Variants in NAPG observed in about 807,000 individuals in gnomAD.
NAPG encodes the protein gamma-soluble NSF attachment protein.
NAPG carries 25 observed loss-of-function variants against 48.4 expected under a neutral mutation model. The observed-to-expected ratio is 0.52, with a 90% confidence interval of 0.38 to 0.72. NAPG has a LOEUF of 0.72. NAPG is among the 30% of genes least tolerant of loss of function. NAPG has a pLI of 0.00. For missense variants in NAPG, 359 were observed against 372.5 expected (o/e 0.96, Z 0.30); for synonymous variants, 139 against 127.2 (o/e 1.09, Z -0.62).
intron 3 of NAPG, 86 bp from the exon 4 acceptor site, chr18:10,533,449 TA>T: frequency 8.3e-7 from 1 of 1,211,830 alleles, no homozygotes; most frequent in Non-Finnish European, 1.1e-6. Context: ...GTCAGTGATT[TA>T]GTTAACTGTC....
intron 1 of NAPG, among the ~76,000 whole-genome samples, chr18:10,530,152 T>G (rs1054993365): frequency 1.3e-5 from 2 of 151,580 alleles, no homozygotes; most frequent in Admixed American, 1.3e-4. Flanking sequence ...CTTCCCTTTC[T>G]GATTATCCTT....
At position 10,548,660 on chromosome 18, in the gene NAPG, A is replaced by G. The variant is rs539373463; in HGVS notation, c.665+282A>G. ...AAAAAAGAACAAGAAAAAGGGGGAA[A>G]AAATTATCAGATTTATGTTACAGAA... On this transcript the variant is annotated intron_variant, in intron 10 of 11. Coordinates refer to ENST00000322897, the MANE Select transcript of NAPG (RefSeq NM_003826.3). This position sits in a 1 kb window ranked among gnomAD's most constrained non-coding sequence, Gnocchi z 4.4. Among the ~76,000 whole-genome samples the G allele has an allele frequency of 2.1e-4, 32 of 152,244 alleles. No homozygotes were observed. The South Asian group carries it at 6.6e-3, about 32-fold the overall frequency.
intron 9 of NAPG, among the ~76,000 whole-genome samples, chr18:10,547,572 T>C (rs532493274): frequency 2.4e-4 from 36 of 152,278 alleles, no homozygotes; most frequent in Admixed American, 2.2e-3. Flanking sequence ...TTATAGAAAC[T>C]ATAAAAATGA....
chr18:10,528,025 A>C (rs1295667521), intron 1 of NAPG, among the ~76,000 whole-genome samples: 1 of 152,094 alleles, frequency 6.6e-6, no homozygotes, highest in Non-Finnish European at 1.5e-5. Flanking sequence ...GTCTCTACTA[A>C]AAATACAAAA....
At chr18:10,538,995 A>C (rs1027863877) in intron 5 of NAPG, 1 of 152,210 alleles carries the variant, frequency 6.6e-6, no homozygotes, top group Non-Finnish European at 1.5e-5. Flanking sequence ...AGAAGTCAGG[A>C]AACAATAGAT....
intron 1 of NAPG, chr18:10,526,585 G>C (rs1426207806): frequency 5.5e-6 from 1 of 181,524 alleles, no homozygotes; most frequent in African/African-American, 2.4e-5. Context: ...ATGTCATCTG[G>C]GGAACAACAT....
intron 8 of NAPG, among the ~76,000 whole-genome samples, chr18:10,541,701 C>T (rs1259566601): frequency 6.6e-6 from 1 of 152,150 alleles, no homozygotes; most frequent in Non-Finnish European, 1.5e-5. Context: ...ACTCCCAGTG[C>T]CTTTCTAGAG....
rs572149496 is a variant in NAPG, at chr18:10,534,632, G to A, written c.258+136G>A. ...TGCTAAGTTAAGATTTTCTGTCCACGGTAACGTTAATTGGACCCATAGAAT... is the reference window on the plus strand; with the variant it reads ...TGCTAAGTTAAGATTTTCTGTCCACAGTAACGTTAATTGGACCCATAGAAT... On this transcript the variant is annotated intron_variant, in intron 5 of 11. Transcript: ENST00000322897. The surrounding 1 kb of genome is among the most constrained non-coding windows in gnomAD (Gnocchi z 5.0). 20 of 734,082 alleles carry A rather than the reference G, an allele frequency of 2.7e-5. 1 individual carries two copies. Among genetic ancestry groups the A allele is most frequent in the South Asian group, 2.4e-4 (15 of 63,074 alleles). The allele number at this position is 734,082 out of a possible 1,614,324, so 45.5% of individuals were successfully genotyped here.
chr18:10,529,666 T>G (rs2031888893), intron 1 of NAPG, among the ~76,000 whole-genome samples: 1 of 151,764 alleles, frequency 6.6e-6, no homozygotes, highest in Non-Finnish European at 1.5e-5. Flanking sequence ...GGCACGAGAG[T>G]CACTTGAACC....
Position 10,539,893 on chromosome 18 carries a change from C to G in NAPG, c.368+22C>G. The G allele has an allele frequency of 6.2e-7, 1 of 1,612,210 alleles. No homozygotes were observed. Among genetic ancestry groups the G allele is most frequent in the Non-Finnish European group, 8.5e-7 (1 of 1,178,360 alleles). On this transcript the variant is annotated intron_variant, in intron 6 of 11. Transcript: ENST00000322897. The surrounding 1 kb of genome is among the most constrained non-coding windows in gnomAD (Gnocchi z 4.7). ...GAAAGTGAGTGTGAGATGGACAAGT[C>G]TCTGCATAGAAGTCTTGTCTTTTTG...
intron 5 of NAPG, among the ~76,000 whole-genome samples, chr18:10,536,443 C>T (rs995217912): frequency 6.6e-6 from 1 of 152,170 alleles, no homozygotes; most frequent in Non-Finnish European, 1.5e-5. Context: ...GCCACAGAAA[C>T]TTGTTGGATC....
chr18:10,530,424 A>C (rs2031906587), intron 1 of NAPG, among the ~76,000 whole-genome samples: 1 of 151,930 alleles, frequency 6.6e-6, no homozygotes, highest in African/African-American at 2.4e-5. Context: ...CTAAAGCTTT[A>C]ATGCACCTTT....
intron 2 of NAPG, among the ~76,000 whole-genome samples, 189 bp downstream of exon 2, chr18:10,531,026 G>C (rs2031917729): frequency 6.6e-6 from 1 of 151,024 alleles, no homozygotes; most frequent in Non-Finnish European, 1.5e-5. Flanking sequence ...AGCTGAGTCA[G>C]AGTTCCTGGT....
At chr18:10,549,803 C>T (rs2032348442) in intron 11 of NAPG, among the ~76,000 whole-genome samples, 1 of 151,476 alleles carries the variant, frequency 6.6e-6, no homozygotes, top group Non-Finnish European at 1.5e-5. Context: ...AATTTTTTTT[C>T]TAAATAACGT....
At chr18:10,535,366 A>T (rs754715177) in intron 5 of NAPG, among the ~76,000 whole-genome samples, 3 of 152,252 alleles carry the variant, frequency 2.0e-5, no homozygotes, top group Non-Finnish European at 2.9e-5. Context: ...TCTTTGACCC[A>T]GGAATTTCAA....
Position 10,544,322 on chromosome 18 carries a change from A to T in NAPG, c.507-2004A>T, listed in dbSNP as rs770367532. Among the ~76,000 whole-genome samples, 1 of 152,238 alleles carries T rather than the reference A, an allele frequency of 6.6e-6. No homozygotes were observed. The highest frequency in any genetic ancestry group is 1.5e-5 in the Non-Finnish European group (1 of 68,046). The stretch of plus-strand genomic sequence containing the variant: ...AGTGTAGCTAGGTCCTAGTGTAGCT[A>T]GGTAGCAGAGCTAGGGTCTCACCAG... On this transcript the variant is annotated intron_variant, in intron 8 of 11. Coordinates refer to ENST00000322897, the MANE Select transcript of NAPG (RefSeq NM_003826.3). The surrounding 1 kb of genome is among the most constrained non-coding windows in gnomAD (Gnocchi z 5.1).
In NAPG at chr18:10,534,805, T is replaced by G. The variant is rs879414853; in HGVS notation, c.258+309T>G. Among the ~76,000 whole-genome samples, 97 of 152,226 alleles carry G rather than the reference T, an allele frequency of 6.4e-4. No individual in the cohort carries two copies. The highest frequency in any genetic ancestry group is 9.0e-4 in the Non-Finnish European group (61 of 68,042). On this transcript the variant is annotated intron_variant, in intron 5 of 11. Transcript: ENST00000322897. This position sits in a 1 kb window ranked among gnomAD's most constrained non-coding sequence, Gnocchi z 5.0. ...GCTCTATGGGAAGTTTCTCTACTTT[T>G]GAGAAGGACATCTAAATGTAGTAAA...
At chr18:10,532,626 ATACT>A (rs1338325526) in intron 2 of NAPG, 81 bp from the exon 3 acceptor site, 3 of 1,012,158 alleles carry the variant, frequency 3.0e-6, no homozygotes, top group African/African-American at 3.2e-5. Flanking sequence ...TATGTTTATA[ATACT>A]TCATATAAAA....
At chr18:10,541,828 T>A (rs973120091) in intron 8 of NAPG, among the ~76,000 whole-genome samples, 7 of 152,234 alleles carry the variant, frequency 4.6e-5, no homozygotes, top group African/African-American at 1.7e-4. Context: ...TCCCCTGAAG[T>A]ATTTCTGCTT....
Sources: allele counts gnomAD v4.1 joint callset (sites outside exome capture counted in the v4.1 genomes callset), GRCh38; gene constraint gnomAD v4.1.1; non-coding constraint Gnocchi (gnomAD v3.1); transcripts MANE v1.5; gene names NCBI Gene and HGNC (gene_info 2026-07-23, HGNC 2026-07-21).